The following ZC3H13 variants were observed in gnomAD, a reference collection of about 807,000 sequenced individuals.
ZC3H13 encodes the protein zinc finger CCCH domain-containing protein 13.
A neutral mutation model predicts 204.1 loss-of-function variants in ZC3H13; 64 were observed. That is an observed-to-expected ratio of 0.31 (90% CI 0.26 to 0.39). The LOEUF is 0.39. Among genes scored for constraint, ZC3H13 ranks in the 10% least tolerant of loss-of-function variants. The probability of loss-of-function intolerance (pLI) is 1.00; values close to 1 mark genes in which losing one functional copy is unlikely to be tolerated. For missense variants in ZC3H13, 1,833 were observed against 2,082.7 expected (o/e 0.88, Z 2.33); for synonymous variants, 667 against 693.7 (o/e 0.96, Z 0.60).
chr13:45,959,557 G>A lies in ZC3H13; in HGVS notation c.4765C>T (p.Leu1589Phe), dbSNP rs1001000127. Residue 1589 changes from leucine to phenylalanine, a missense_variant, in exon 18 of 19, where the codon CTT (leucine) becomes TTT (phenylalanine). Coordinates refer to ENST00000679008, the MANE Select transcript of ZC3H13 (RefSeq NM_001330564.2). ...KEERASLLSN[L>F]GPCCKALCFR... The stretch of plus-strand genomic sequence containing the variant: ...CACAACGCCTTACAACATGGGCCAA[G>A]ATTACTAAGAAGACTTGCTCTTTCT... The A allele has an allele frequency of 9.7e-6, 15 of 1,549,096 alleles. No individual in the cohort carries two copies. The highest frequency in any genetic ancestry group is 4.1e-5 in the African/African-American group (3 of 72,926).
chr13:45,970,669 CACA>C (rs1369179097), intron 12 of ZC3H13, among the ~76,000 whole-genome samples: 1 of 152,226 alleles, frequency 6.6e-6, no homozygotes, highest in East Asian at 1.9e-4. Flanking sequence ...ACTTAAAATA[CACA>C]ACATTTCTTC....
chr13:45,963,770 G>T lies in ZC3H13; in HGVS notation c.4675+72C>A, dbSNP rs1198083948. On this transcript the variant is annotated intron_variant, in intron 17 of 18. Transcript: ENST00000679008. ...CAGTGTTAAGTGCTACATAAGAACAGATCAGAATCCCCTTCAGATGGCATC... is the reference window on the plus strand; with the variant it reads ...CAGTGTTAAGTGCTACATAAGAACATATCAGAATCCCCTTCAGATGGCATC... 1.9e-6 allele frequency: 3 copies of T among 1,599,884 alleles called. No individual in the cohort carries two copies. The Admixed American group carries it at 5.2e-5, about 28-fold the overall frequency.
intron 11 of ZC3H13, among the ~76,000 whole-genome samples, chr13:45,977,777 C>T (rs2138059166): frequency 6.6e-6 from 1 of 152,202 alleles, no homozygotes; most frequent in Non-Finnish European, 1.5e-5. Context: ...TCAATCTTTC[C>T]CAACACCCTT....
At chr13:46,033,971 G>A (rs1405533361) in intron 4 of ZC3H13, among the ~76,000 whole-genome samples, 4 of 152,026 alleles carry the variant, frequency 2.6e-5, no homozygotes, top group Non-Finnish European at 4.4e-5. Flanking sequence ...ATAGGACAAA[G>A]AGCCTAATTT....
At chr13:46,049,929 T>G (rs1307727470) in intron 1 of ZC3H13, among the ~76,000 whole-genome samples, 4 of 152,316 alleles carry the variant, frequency 2.6e-5, no homozygotes, top group Admixed American at 6.5e-5. Flanking sequence ...TCCTCCATTT[T>G]TGTTTTCAAA....
Position 45,975,740 on chromosome 13 carries a change from T to C in ZC3H13, c.2011A>G (p.Arg671Gly). 1 of 1,613,934 alleles carries C rather than the reference T, an allele frequency of 6.2e-7. No homozygotes were observed. Among genetic ancestry groups the C allele is most frequent in the Non-Finnish European group, 8.5e-7 (1 of 1,179,902 alleles). The change falls in exon 12 of 19, where the codon AGG becomes GGG. Residue 671 changes from arginine (R) to glycine (G), a missense_variant. Physicochemically the swap from Arg to Gly is moderately radical, Grantham distance 125. Transcript: ENST00000679008. ...CTCTCTCTAGCCCTTTCATCTCTCC[T>C]ATCATCCACTCTGTCTACTCTTCGT... ...EERRVDRVDD[R>G]RDERARERDR...
chr13:45,965,180 C>T (rs1004920698), intron 16 of ZC3H13, 100 bp downstream of exon 16: 1 of 1,393,516 alleles, frequency 7.2e-7, no homozygotes, highest in Non-Finnish European at 9.5e-7. Flanking sequence ...AGGAAAAATT[C>T]TAAGTGTCTT....
intron 5 of ZC3H13, among the ~76,000 whole-genome samples, chr13:46,012,574 A>G (rs2041636408): frequency 1.3e-5 from 2 of 152,212 alleles, no homozygotes; most frequent in Non-Finnish European, 2.9e-5. Context: ...CTATCCATTC[A>G]TGCTTGGGGA....
At chr13:46,005,015 C>T (rs2041030977) in intron 7 of ZC3H13, among the ~76,000 whole-genome samples, 1 of 152,134 alleles carries the variant, frequency 6.6e-6, no homozygotes, top group Non-Finnish European at 1.5e-5. Flanking sequence ...ATGTCAAAAT[C>T]CTTTTACCTC....
At chr13:46,030,026 T>C (rs960856834) in intron 4 of ZC3H13, among the ~76,000 whole-genome samples, 8 of 152,142 alleles carry the variant, frequency 5.3e-5, no homozygotes, top group African/African-American at 1.4e-4. Context: ...ACAATGTATA[T>C]ACCACAACCA....
At chr13:46,025,590 G>A (rs866478428) in intron 4 of ZC3H13, among the ~76,000 whole-genome samples, 52 of 152,144 alleles carry the variant, frequency 3.4e-4, no homozygotes, top group African/African-American at 1.0e-3. Context: ...GATTACAGGC[G>A]TGATCCACGA....
chr13:46,032,362 C>CAAAAAAA (rs11323386), intron 4 of ZC3H13, among the ~76,000 whole-genome samples: 16 of 99,628 alleles, frequency 1.6e-4, no homozygotes, highest in Non-Finnish European at 2.4e-4. Flanking sequence ...AGAAAAAGAC[C>CAAAAAAA]AAAAAAAAAA....
At chr13:46,010,133 AAGCTCTG>A in intron 7 of ZC3H13, 1 of 359,550 alleles carries the variant, frequency 2.8e-6, no homozygotes, top group Middle Eastern at 7.8e-4. Flanking sequence ...AAAAAATAAA[AAGCTCTG>A]AAGCATATGT....
chr13:45,985,361 T>C lies in ZC3H13; in HGVS notation c.1656A>G (p.Arg552=). Residue 552 remains arginine (R), a synonymous_variant, in exon 10 of 19, where the codon CGA becomes CGG. Transcript: ENST00000679008. Reference sequence around the variant, plus strand: ...CCATTCGGTCATTTCTAATTTCACTTCGAGACTCATTTCTGGACTCATTCC... The same window carrying C: ...CCATTCGGTCATTTCTAATTTCACTCCGAGACTCATTTCTGGACTCATTCC... The part of the protein sequence containing the change: ...EIRNESRNES[R]SEIRNDRMGR... 2 of 1,614,210 alleles carry C rather than the reference T, an allele frequency of 1.2e-6. No individual in the cohort carries two copies. The highest frequency in any genetic ancestry group is 1.7e-6 in the Non-Finnish European group (2 of 1,180,010).
intron 4 of ZC3H13, among the ~76,000 whole-genome samples, chr13:46,039,737 T>A (rs553367965): frequency 6.6e-6 from 1 of 152,222 alleles, no homozygotes. Flanking sequence ...TCAGAACTCA[T>A]AGTAAATTTT....
Position 46,003,149 on chromosome 13 carries a change from C to A in ZC3H13, c.934G>T (p.Asp312Tyr). 3.1e-6 allele frequency: 5 copies of A among 1,610,288 alleles called. No homozygotes were observed. The highest frequency in any genetic ancestry group is 2.0e-4 in the Middle Eastern group (1 of 4,974). The part of the protein sequence containing the change: ...RDFERQREKR[D>Y]KPRSTSPAGQ... ...TACAATCCTACTTACCTTGGCTTGTCTCTCTTTTCTCTTTGTCGTTCAAAA... is the reference window on the plus strand; with the variant it reads ...TACAATCCTACTTACCTTGGCTTGTATCTCTTTTCTCTTTGTCGTTCAAAA... The change falls in exon 8 of 19, where the codon GAC (aspartate) becomes TAC (tyrosine). Residue 312 changes from aspartate to tyrosine, a missense_variant. Physicochemically the swap from Asp to Tyr is radical, Grantham distance 160 (BLOSUM62 -3). Coordinates refer to ENST00000679008, the MANE Select transcript of ZC3H13 (RefSeq NM_001330564.2).
rs1199308420 is a variant in ZC3H13 at position 45,989,016 on chromosome 13, A to G, written c.1026T>C (p.Ile342=). The G allele has an allele frequency of 6.2e-7, 1 of 1,614,044 alleles. No individual in the cohort carries two copies. The highest frequency in any genetic ancestry group is 1.3e-5 in the African/African-American group (1 of 74,916). ...GACGAGGAGAAGGAGAATGTCTTTG[A>G]ATAGATGATCCTGATTGTGAGGAAG... ...HSSSSQSGSS[I]QRHSPSPRRK... The change falls in exon 9 of 19, where the codon ATT becomes ATC. Residue 342 remains isoleucine, a synonymous_variant. Transcript: ENST00000679008.
intron 11 of ZC3H13, among the ~76,000 whole-genome samples, chr13:45,977,915 C>CTA (rs1412734757): frequency 6.6e-6 from 1 of 152,002 alleles, no homozygotes; most frequent in East Asian, 1.9e-4. Context: ...ACTACCTGGC[C>CTA]TATAGTCTTT....
At chr13:46,001,448 G>C (rs1350073549) in intron 8 of ZC3H13, 1 of 152,076 alleles carries the variant, frequency 6.6e-6, no homozygotes, top group African/African-American at 2.4e-5. Flanking sequence ...TCCTAGCTCT[G>C]TTGTTTCATG....
Sources: gnomAD v4.1 joint callset for allele counts (sites outside exome capture counted in the v4.1 genomes callset) on GRCh38, gnomAD v4.1.1 for gene constraint, MANE v1.5 for transcripts, NCBI Gene and HGNC (gene_info 2026-07-23, HGNC 2026-07-21) for gene names.